The following CDH13 variants were observed in gnomAD, a reference collection of about 807,000 sequenced individuals.
CDH13 encodes cadherin 13, also known as cadherin-13.
A neutral mutation model predicts 63.8 loss-of-function variants in CDH13; 24 were observed. The ratio of observed to expected loss-of-function variants is 0.38; its 90% confidence interval spans 0.27 to 0.53. The LOEUF (loss-of-function observed/expected upper bound fraction) is 0.53, where lower values mean the gene tolerates loss of function less well. CDH13 is among the 20% of genes least tolerant of loss of function. The pLI is 0.85. For synonymous variants in CDH13, 503 were observed against 355.3 expected (o/e 1.42, Z -4.67); for missense variants, 1,049 against 903.1 (o/e 1.16, Z -2.07).
At chr16:83,049,916 G>C (rs910119371) in intron 3 of CDH13, among the ~76,000 whole-genome samples, 4 of 152,168 alleles carry the variant, frequency 2.6e-5, no homozygotes, top group Non-Finnish European at 5.9e-5. Context: ...AATTTACAAT[G>C]ATTGAGTGTG....
intron 4 of CDH13, among the ~76,000 whole-genome samples, chr16:83,136,435 G>A (rs1183906545): frequency 2.7e-5 from 4 of 147,616 alleles, no homozygotes; most frequent in Admixed American, 6.8e-5. Flanking sequence ...GTAGTGAGCC[G>A]AGATCGCTCC....
At chr16:82,935,278 C>G (rs901639348) in intron 2 of CDH13, among the ~76,000 whole-genome samples, 3 of 152,132 alleles carry the variant, frequency 2.0e-5, no homozygotes, top group African/African-American at 7.2e-5. Flanking sequence ...AGAACTCACT[C>G]ACTATCATGA....
intron 5 of CDH13, among the ~76,000 whole-genome samples, chr16:83,276,998 G>A (rs560599224): frequency 3.9e-5 from 6 of 152,126 alleles, no homozygotes; most frequent in Admixed American, 3.9e-4. Flanking sequence ...GAACAACATG[G>A]GAAAGACCTG....
At chr16:83,715,188 G>A (rs986993516) in intron 10 of CDH13, among the ~76,000 whole-genome samples, 1 of 152,188 alleles carries the variant, frequency 6.6e-6, no homozygotes, top group Non-Finnish European at 1.5e-5. Context: ...TAAATATTAA[G>A]CTCTGTGTAA....
At chr16:82,859,086 AATATT>A (rs2039822836) in intron 2 of CDH13, 1 of 152,340 alleles carries the variant, frequency 6.6e-6, no homozygotes, top group Non-Finnish European at 1.5e-5. Flanking sequence ...TTTTAATGTC[AATATT>A]ATATTGCTTT....
chr16:82,702,427 T>C (rs945596238), intron 1 of CDH13, among the ~76,000 whole-genome samples: 6 of 152,288 alleles, frequency 3.9e-5, no homozygotes, highest in South Asian at 2.1e-4. Context: ...GTCTTGTTCG[T>C]CTCAGTGCTC....
intron 1 of CDH13, among the ~76,000 whole-genome samples, chr16:82,793,268 G>A (rs1484661428): frequency 1.3e-5 from 2 of 152,110 alleles, no homozygotes; most frequent in South Asian, 4.1e-4. Flanking sequence ...AAGGTGTGCA[G>A]ACATTGTGGA....
chr16:82,632,106 C>T (rs1473260358), intron 1 of CDH13, among the ~76,000 whole-genome samples: 3 of 152,150 alleles, frequency 2.0e-5, no homozygotes, highest in Non-Finnish European at 4.4e-5. Context: ...TCAACATGGC[C>T]GTACTTGACA....
chr16:83,260,138 A>G (rs1245605458), intron 5 of CDH13, among the ~76,000 whole-genome samples: 1 of 145,074 alleles, frequency 6.9e-6, no homozygotes, highest in African/African-American at 2.6e-5. Flanking sequence ...ACACACACAC[A>G]CACACGCTCT....
At chr16:83,093,243 A>C (rs1165227948) in intron 3 of CDH13, among the ~76,000 whole-genome samples, 2 of 126,534 alleles carry the variant, frequency 1.6e-5, no homozygotes, top group African/African-American at 5.8e-5. Context: ...TATCAGGTGG[A>C]TTTCTCCAGT....
At chr16:83,622,047 TA>T (rs528633528) in intron 8 of CDH13, among the ~76,000 whole-genome samples, 77 of 152,192 alleles carry the variant, frequency 5.1e-4, no homozygotes, top group African/African-American at 1.8e-3. Context: ...AAAGAATAGA[TA>T]AAAAAATTCA....
intron 5 of CDH13, among the ~76,000 whole-genome samples, chr16:83,296,875 C>T (rs1425727018): frequency 6.6e-6 from 1 of 152,174 alleles, no homozygotes; most frequent in Non-Finnish European, 1.5e-5. Flanking sequence ...GTGTTTCCAG[C>T]ATGATGGAAC....
chr16:83,556,278 C>G (rs979381416), intron 7 of CDH13, among the ~76,000 whole-genome samples: 1 of 152,102 alleles, frequency 6.6e-6, no homozygotes, highest in Non-Finnish European at 1.5e-5. Flanking sequence ...CCCTAAAAAT[C>G]CTTGCTCATG....
intron 2 of CDH13, among the ~76,000 whole-genome samples, chr16:83,027,427 G>C: frequency 6.6e-6 from 1 of 152,068 alleles, no homozygotes; most frequent in Non-Finnish European, 1.5e-5. Context: ...TTAACAGGGT[G>C]AAGAAGGTGA....
At chr16:83,266,335 C>G (rs1310742167) in intron 5 of CDH13, among the ~76,000 whole-genome samples, 2 of 152,194 alleles carry the variant, frequency 1.3e-5, no homozygotes, top group Non-Finnish European at 2.9e-5. Flanking sequence ...GAGGCCAAGA[C>G]CATAGCTCCT....
intron 11 of CDH13, among the ~76,000 whole-genome samples, chr16:83,762,134 C>CAGA (rs548116894): frequency 2.5e-4 from 38 of 152,266 alleles, no homozygotes; most frequent in South Asian, 6.2e-4. Context: ...TTCAATAAAA[C>CAGA]AGAAATGCTT....
At chr16:83,117,927 G>A (rs2035387400) in intron 3 of CDH13, among the ~76,000 whole-genome samples, 1 of 152,172 alleles carries the variant, frequency 6.6e-6, no homozygotes, top group Admixed American at 6.5e-5. Flanking sequence ...AGCAAATGAG[G>A]TTTTAACCTC....
chr16:83,275,390 C>G (rs1014300943), intron 5 of CDH13, among the ~76,000 whole-genome samples: 2 of 152,140 alleles, frequency 1.3e-5, no homozygotes, highest in East Asian at 1.9e-4. Flanking sequence ...CTGCTAATTT[C>G]CTGTCTGATC....
Position 83,668,552 on chromosome 16 carries a change from C to G in CDH13, c.1102-2238C>G, listed in dbSNP as rs369494814. Reference sequence around the variant, plus strand: ...ACAGGTGTCAGAAGAACCACAAGGACGGGTTATGAGCTGACATCCACTTTG... The same window carrying G: ...ACAGGTGTCAGAAGAACCACAAGGAGGGGTTATGAGCTGACATCCACTTTG... On this transcript the variant is annotated intron_variant, in intron 8 of 13. Coordinates refer to ENST00000567109, the MANE Select transcript of CDH13 (RefSeq NM_001257.5). Among the ~76,000 whole-genome samples the G allele has an allele frequency of 4.4e-4, 67 of 152,292 alleles. 1 individual carries two copies. In the South Asian group the frequency reaches 0.014, roughly 32 times the overall value.
Sources: gnomAD v4.1 joint callset for allele counts (sites outside exome capture counted in the v4.1 genomes callset) on GRCh38, gnomAD v4.1.1 for gene constraint, MANE v1.5 for transcripts, NCBI Gene and HGNC (gene_info 2026-07-23, HGNC 2026-07-21) for gene names.